The following OXR1 variants were observed in gnomAD, a reference collection of about 807,000 sequenced individuals.
OXR1 encodes oxidation resistance 1.
In OXR1, 41 loss-of-function variants were observed where a neutral mutation model predicts 104.6. The ratio of observed to expected loss-of-function variants is 0.39; its 90% CI spans 0.31 to 0.51. The LOEUF is 0.51. Ranked by LOEUF, OXR1 falls within the 20% of genes least tolerant of loss-of-function variation. The probability of loss-of-function intolerance (pLI) is 0.77; values close to 1 mark genes in which losing one functional copy is unlikely to be tolerated. For synonymous variants in OXR1, 348 were observed against 348.4 expected, an observed-to-expected ratio of 1.00 and a Z score of 0.01; for missense variants, 955 against 1,031.9, an observed-to-expected ratio of 0.93 and a Z score of 1.02.
chr8:106,743,184 A>G (rs915706986), intron 15 of OXR1, among the ~76,000 whole-genome samples: 18 of 152,186 alleles, frequency 1.2e-4, no homozygotes, highest in African/African-American at 3.9e-4. Flanking sequence ...ATAAAGCTCA[A>G]CATCACTGAT....
intron 2 of OXR1, among the ~76,000 whole-genome samples, chr8:106,411,496 G>A (rs969998527): frequency 1.3e-5 from 2 of 152,168 alleles, no homozygotes; most frequent in African/African-American, 4.8e-5. Flanking sequence ...TCGTGGAGGA[G>A]ACAAGTAAAA....
intron 2 of OXR1, among the ~76,000 whole-genome samples, chr8:106,516,628 C>G (rs533264668): frequency 6.6e-6 from 1 of 152,274 alleles, no homozygotes; most frequent in Non-Finnish European, 1.5e-5. Context: ...GAGCTTCACT[C>G]TATTTATTTT....
At chr8:106,502,365 T>C (rs746907154) in intron 2 of OXR1, among the ~76,000 whole-genome samples, 5 of 152,144 alleles carry the variant, frequency 3.3e-5, no homozygotes, top group Non-Finnish European at 5.9e-5. Context: ...TGCTATAAGA[T>C]ATAGAAAGAT....
At chr8:106,339,266 A>T (rs1025081269) in intron 1 of OXR1, among the ~76,000 whole-genome samples, 1 of 151,078 alleles carries the variant, frequency 6.6e-6, no homozygotes, top group South Asian at 2.1e-4. Context: ...GAGGCTGAGG[A>T]GGGCAGATCA....
At chr8:106,637,329 G>GTA (rs35149052) in intron 3 of OXR1, among the ~76,000 whole-genome samples, 17,970 of 151,524 alleles carry the variant, frequency 0.12, 1,428 homozygotes, top group East Asian at 0.35. Context: ...ATGTGTGTGT[G>GTA]TATATATATA....
chr8:106,393,420 A>G (rs1482767442), intron 2 of OXR1, among the ~76,000 whole-genome samples: 8 of 152,186 alleles, frequency 5.3e-5, no homozygotes, highest in African/African-American at 1.9e-4. Context: ...TGAAGTTTTT[A>G]TTCAAACTGC....
intron 3 of OXR1, among the ~76,000 whole-genome samples, chr8:106,589,418 T>G (rs1563626109): frequency 6.6e-6 from 1 of 151,840 alleles, no homozygotes; most frequent in Non-Finnish European, 1.5e-5. Context: ...ATTTCAAGTC[T>G]TTTTCAAAAC....
chr8:106,339,513 AAAAAAAATATATAT>A (rs1301586092), intron 1 of OXR1, among the ~76,000 whole-genome samples: 4 of 38,170 alleles, frequency 1.0e-4, no homozygotes, highest in African/African-American at 6.8e-4. Flanking sequence ...AAAAAAAAAA[AAAAAAAATATATAT>A]ATATATATAT....
At position 106,697,392 on chromosome 8, in the gene OXR1, G is replaced by T. The variant is rs181433034; in HGVS notation, c.675+4515G>T. The T allele has an allele frequency of 2.3e-6, 3 of 1,330,508 alleles. No individual in the cohort carries two copies. In the South Asian group the frequency reaches 3.9e-5, roughly 17 times the overall value. 82.4% of individuals were successfully genotyped at this position (1,330,508 alleles called of 1,614,324 possible). Reference sequence around the variant, plus strand: ...ATATCTACATGTATATTAACCACTCGTGGGAGGGCAGGGGCAAGGCCTGGG... The same window carrying T: ...ATATCTACATGTATATTAACCACTCTTGGGAGGGCAGGGGCAAGGCCTGGG... On this transcript the variant is annotated intron_variant, in intron 7 of 16. Coordinates refer to ENST00000517566, the MANE Select transcript of OXR1 (RefSeq NM_001198533.2).
chr8:106,328,461 G>A (rs985260121), intron 1 of OXR1, among the ~76,000 whole-genome samples: 2 of 152,290 alleles, frequency 1.3e-5, no homozygotes, highest in South Asian at 2.1e-4. Context: ...TCCCTGTCCA[G>A]TAAAATCCTC....
intron 2 of OXR1, among the ~76,000 whole-genome samples, chr8:106,403,123 A>G (rs1818072184): frequency 6.6e-6 from 1 of 152,200 alleles, no homozygotes; most frequent in South Asian, 2.1e-4. Context: ...CTGGGAATTG[A>G]TTGAGGGAAT....
chr8:106,636,273 C>T (rs911081171), intron 3 of OXR1, among the ~76,000 whole-genome samples: 2 of 151,844 alleles, frequency 1.3e-5, no homozygotes, highest in African/African-American at 4.8e-5. Context: ...CTTTTAACAT[C>T]ATATAAACCC....
intron 3 of OXR1, among the ~76,000 whole-genome samples, chr8:106,547,479 C>CCTTT (rs1225531834): frequency 4.2e-5 from 6 of 142,092 alleles, no homozygotes; most frequent in East Asian, 2.1e-4. Context: ...GTTAGAATTT[C>CCTTT]CTTTCTTTCT....
chr8:106,360,525 G>A (rs1295258717), intron 2 of OXR1, among the ~76,000 whole-genome samples: 1 of 151,890 alleles, frequency 6.6e-6, no homozygotes, highest in African/African-American at 2.4e-5. Context: ...TTAGGGCAAG[G>A]ATGTAATTAT....
intron 2 of OXR1, among the ~76,000 whole-genome samples, chr8:106,472,144 G>C (rs1336688746): frequency 6.6e-6 from 1 of 151,720 alleles, no homozygotes; most frequent in South Asian, 2.1e-4. Context: ...GTAAGGGTCA[G>C]TTATTTTAAA....
Position 106,507,774 on chromosome 8 carries a change from G to A in OXR1, c.24-11169G>A, listed in dbSNP as rs188658664. Among the ~76,000 whole-genome samples the A allele has an allele frequency of 2.8e-3, 421 of 152,292 alleles. 3 individuals are homozygous for A. Among genetic ancestry groups the A allele is most frequent in the Non-Finnish European group, 4.8e-3 (327 of 68,016 alleles). ...TCACTTCGGAGTAAAGCCTTGAAAA[G>A]GGAGTGTAGGAGGAAGTTTTTCTCC... On this transcript the variant is annotated intron_variant, in intron 2 of 16. Coordinates refer to ENST00000517566, the MANE Select transcript of OXR1 (RefSeq NM_001198533.2).
chr8:106,418,444 C>A (rs571827659), intron 2 of OXR1, among the ~76,000 whole-genome samples: 42 of 151,948 alleles, frequency 2.8e-4, no homozygotes, highest in African/African-American at 9.9e-4. Context: ...TCAGAGATAA[C>A]CACTGTCAAC....
intron 3 of OXR1, among the ~76,000 whole-genome samples, chr8:106,665,451 T>C (rs188121292): frequency 6.6e-6 from 1 of 152,194 alleles, no homozygotes; most frequent in African/African-American, 2.4e-5. Flanking sequence ...CTGTAATATA[T>C]GTAAGAGAAC....
chr8:106,282,672 T>C (rs1050350715), intron 1 of OXR1, among the ~76,000 whole-genome samples: 1 of 152,186 alleles, frequency 6.6e-6, no homozygotes, highest in African/African-American at 2.4e-5. Flanking sequence ...TAAGTGGAAG[T>C]GAATAATCAT....
Sources: allele counts gnomAD v4.1 joint callset (sites outside exome capture counted in the v4.1 genomes callset), GRCh38; gene constraint gnomAD v4.1.1; transcripts MANE v1.5; gene names NCBI Gene and HGNC (gene_info 2026-07-23, HGNC 2026-07-21).